Variants in SRCIN1 observed in about 807,000 individuals in gnomAD.
The protein encoded by SRCIN1 is SRC kinase signaling inhibitor 1.
SRCIN1 carries 50 observed loss-of-function variants against 116.2 expected under a neutral mutation model. The ratio of observed to expected loss-of-function variants is 0.43; its 90% confidence interval spans 0.34 to 0.54. The LOEUF is 0.54. SRCIN1 is among the 20% of genes least tolerant of loss of function. The pLI is 0.02. For missense variants in SRCIN1, 1,446 were observed against 1,672.0 expected, an observed-to-expected ratio of 0.86 and a Z score of 2.36; for synonymous variants, 736 against 750.0, an observed-to-expected ratio of 0.98 and a Z score of 0.30.
At position 38,563,235 on chromosome 17, in the gene SRCIN1, G is replaced by A. The variant is rs1906405622; in HGVS notation, c.740+88C>T. 6.2e-6 allele frequency: 9 copies of A among 1,455,906 alleles called. No homozygotes were observed. The Admixed American group carries it at 6.3e-5, about 10-fold the overall frequency. 90.2% of individuals were successfully genotyped at this position (1,455,906 alleles called of 1,614,324 possible). A position where few individuals can be genotyped will look rare whatever the true frequency, so the allele number is the denominator to read the frequency against. On this transcript the variant is annotated intron_variant, in intron 5 of 18. Coordinates refer to ENST00000617146, the MANE Select transcript of SRCIN1 (RefSeq NM_025248.3). The surrounding 1 kb of genome is among the most constrained non-coding windows in gnomAD (Gnocchi z 5.8). ...GGAAAGGCTGAGGTCGGGTCAGGAA[G>A]GAGCTGGGGAAGGGCCGGCGGGGTC...
intron 7 of SRCIN1, 103 bp from the exon 8 acceptor site, chr17:38,560,528 T>C (rs1436649232): frequency 2.0e-6 from 2 of 982,074 alleles, no homozygotes; most frequent in Non-Finnish European, 3.1e-6. Flanking sequence ...CACCGTCCCA[T>C]CCCTGGCTGC....
Position 38,562,029 on chromosome 17 carries a change from C to G in SRCIN1, c.1134G>C (p.Glu378Asp). 3 of 1,491,960 alleles carry G rather than the reference C, an allele frequency of 2.0e-6. No individual in the cohort carries two copies. The highest frequency in any genetic ancestry group is 2.7e-6 in the Non-Finnish European group (3 of 1,128,910). The allele number at this position is 1,491,960 out of a possible 1,614,324, so 92.4% of individuals were successfully genotyped here. A position where few individuals can be genotyped will look rare whatever the true frequency, so the allele number is the denominator to read the frequency against. Residue 378 changes from glutamate to aspartate, a missense_variant, in exon 7 of 19, where the codon GAG becomes GAC. Around this residue, in one of 5 missense-constraint regions of SRCIN1, gnomAD observed 239 missense variants for 317.7 expected, o/e 0.75. Transcript: ENST00000617146. The surrounding 1 kb of genome is among the most constrained non-coding windows in gnomAD (Gnocchi z 4.2). The stretch of plus-strand genomic sequence containing the variant: ...TGCCGCCCGCCTTGCTCGCCAGGTC[C>G]TCGTCCGGCTTCACGTCGCGCCGCT... ...ILERRDVKPD[E>D]DLASKAGGMV...
intron 1 of SRCIN1, among the ~76,000 whole-genome samples, chr17:38,601,351 G>T (rs191093539): frequency 2.0e-5 from 3 of 152,316 alleles, no homozygotes; most frequent in African/African-American, 7.2e-5. Context: ...CAGAGACATG[G>T]GTGGGAGATG....
At chr17:38,586,732 G>GTGA (rs1908136596) in intron 1 of SRCIN1, among the ~76,000 whole-genome samples, 2 of 152,250 alleles carry the variant, frequency 1.3e-5, no homozygotes, top group African/African-American at 4.8e-5. Flanking sequence ...GCTAGGGAGG[G>GTGA]TGCAGGGCAC....
Position 38,563,644 on chromosome 17 carries a change from G to A in SRCIN1, c.542-123C>T. Reference sequence around the variant, plus strand: ...GCGGCAGGGTCTGAGGCTAGACGCCGCCCCCGAGTGCAGATGCACCCAGGC... The same window carrying A: ...GCGGCAGGGTCTGAGGCTAGACGCCACCCCCGAGTGCAGATGCACCCAGGC... On this transcript the variant is annotated intron_variant, in intron 4 of 18. Transcript: ENST00000617146. This position sits in a 1 kb window ranked among gnomAD's most constrained non-coding sequence, Gnocchi z 5.8. 2 of 1,324,712 alleles carry A rather than the reference G, an allele frequency of 1.5e-6. No individual in the cohort carries two copies. Among genetic ancestry groups the A allele is most frequent in the African/African-American group, 1.4e-5 (1 of 69,078 alleles). 82.1% of individuals were successfully genotyped at this position (1,324,712 alleles called of 1,614,324 possible).
In SRCIN1 at chr17:38,564,301, G is replaced by T; in HGVS notation, c.358C>A (p.Arg120Ser). The T allele has an allele frequency of 6.4e-7, 1 of 1,559,534 alleles. No individual in the cohort carries two copies. The highest frequency in any genetic ancestry group is 8.6e-7 in the Non-Finnish European group (1 of 1,156,858). Reference sequence around the variant, plus strand: ...CCGGGCTGGGCTCCCTGAGTGTGGCGTGAGCTGCGGGTCTGCAGGGGCCGG... The same window carrying T: ...CCGGGCTGGGCTCCCTGAGTGTGGCTTGAGCTGCGGGTCTGCAGGGGCCGG... ...NYWSFKTRSS[R>S]HTQGAQPGLA... Residue 120 changes from arginine (R) to serine (S), a missense_variant, in exon 4 of 19, where the codon CGC becomes AGC. By Grantham distance (110) the Arg-to-Ser change is moderately radical (BLOSUM62 -1). Around this residue, in one of 5 missense-constraint regions of SRCIN1, gnomAD observed 246 missense variants for 265.1 expected, o/e 0.93. Transcript: ENST00000617146.
intron 18 of SRCIN1, among the ~76,000 whole-genome samples, chr17:38,535,646 C>T (rs1187590858): frequency 6.6e-6 from 1 of 152,166 alleles, no homozygotes; most frequent in Admixed American, 6.6e-5. Flanking sequence ...CTCTCTGTGC[C>T]CCCAGTACCT....
intron 2 of SRCIN1, 25 bp downstream of exon 2, chr17:38,578,465 C>G (rs1373661801): frequency 2.2e-5 from 32 of 1,457,556 alleles, no homozygotes; most frequent in Admixed American, 4.1e-5. Flanking sequence ...GCCGCAGCCG[C>G]AGCCGCAGCC....
At chr17:38,595,293 C>T (rs1382730852) in intron 1 of SRCIN1, among the ~76,000 whole-genome samples, 1 of 152,104 alleles carries the variant, frequency 6.6e-6, no homozygotes, top group Non-Finnish European at 1.5e-5. Context: ...TCTCGGCTCA[C>T]TGCAACCTCT....
At chr17:38,566,378 T>C (rs1906683131) in intron 3 of SRCIN1, among the ~76,000 whole-genome samples, 1 of 152,170 alleles carries the variant, frequency 6.6e-6, no homozygotes, top group Admixed American at 6.5e-5. Context: ...AGGGAAAACC[T>C]GCTGGCACTT....
At chr17:38,597,493 G>A (rs1209309348) in intron 1 of SRCIN1, among the ~76,000 whole-genome samples, 1 of 152,252 alleles carries the variant, frequency 6.6e-6, no homozygotes, top group Non-Finnish European at 1.5e-5. Context: ...TGTCTACTAT[G>A]TGCCAGGAAC....
At chr17:38,605,599 C>A in intron 1 of SRCIN1, 85 bp downstream of exon 1, 1 of 1,163,630 alleles carries the variant, frequency 8.6e-7, no homozygotes, top group Non-Finnish European at 1.1e-6. Flanking sequence ...CGCCCCCGGC[C>A]GAGGGGGAAA....
rs552920296 is a variant in SRCIN1 at position 38,585,256 on chromosome 17, G to A, written c.23-6465C>T. On this transcript the variant is annotated intron_variant, in intron 1 of 18. Transcript: ENST00000617146. The surrounding 1 kb of genome is among the most constrained non-coding windows in gnomAD (Gnocchi z 4.2). ...AGGGTGGAGGACCTGCCTGCCTTAG[G>A]CCACACCCACACACACACACAAACA... 1.3e-5 allele frequency among the ~76,000 whole-genome samples: 2 copies of A among 152,236 alleles called. No individual in the cohort carries two copies. Among genetic ancestry groups the A allele is most frequent in the East Asian group, 3.9e-4 (2 of 5,180 alleles).
intron 11 of SRCIN1, among the ~76,000 whole-genome samples, chr17:38,557,687 C>T (rs969932014): frequency 9.9e-5 from 15 of 152,242 alleles, no homozygotes; most frequent in African/African-American, 1.7e-4. Context: ...GTTCGCGATT[C>T]CTCCTTCCTT....
At chr17:38,543,494 T>A (rs1237516897) in intron 18 of SRCIN1, among the ~76,000 whole-genome samples, 1 of 152,200 alleles carries the variant, frequency 6.6e-6, no homozygotes, top group Non-Finnish European at 1.5e-5. Flanking sequence ...TTGGGGCTGC[T>A]GGAGTCACAA....
chr17:38,552,564 C>T lies in SRCIN1; in HGVS notation c.2363G>A (p.Arg788Gln), dbSNP rs1009954948. ...AHFPGLQSKMRVVLRVEVEAV... is the reference protein window; with the variant it reads ...AHFPGLQSKMQVVLRVEVEAV... Reference sequence around the variant, plus strand: ...CTCCACCTCCACGCGCAGCACCACCCGCATCTTGCTCTGCAGGCCCGGGAA... The same window carrying T: ...CTCCACCTCCACGCGCAGCACCACCTGCATCTTGCTCTGCAGGCCCGGGAA... Residue 788 changes from arginine to glutamine, a missense_variant, in exon 13 of 19, where the codon CGG becomes CAG. Around this residue, in one of 5 missense-constraint regions of SRCIN1, gnomAD observed 531 missense variants for 633.9 expected, o/e 0.84. Coordinates refer to ENST00000617146, the MANE Select transcript of SRCIN1 (RefSeq NM_025248.3). This position sits in a 1 kb window ranked among gnomAD's most constrained non-coding sequence, Gnocchi z 5.3. 1.9e-6 allele frequency: 3 copies of T among 1,610,606 alleles called. No homozygotes were observed. The highest frequency in any genetic ancestry group is 2.5e-6 in the Non-Finnish European group (3 of 1,178,648).
chr17:38,583,548 GTTTTTTTTTT>G (rs10691272), intron 1 of SRCIN1, among the ~76,000 whole-genome samples: 1 of 104,294 alleles, frequency 9.6e-6, no homozygotes, highest in Non-Finnish European at 2.0e-5. Flanking sequence ...TTCATTTTCT[GTTTTTTTTTT>G]TTTTTTTTTT....
intron 18 of SRCIN1, among the ~76,000 whole-genome samples, chr17:38,534,224 G>A (rs934386744): frequency 1.3e-5 from 2 of 152,204 alleles, no homozygotes; most frequent in African/African-American, 4.8e-5. Flanking sequence ...CTCTGCAGCT[G>A]CGGTCTCCAA....
chr17:38,576,570 G>A (rs934488345), intron 2 of SRCIN1, among the ~76,000 whole-genome samples: 25 of 152,174 alleles, frequency 1.6e-4, no homozygotes, highest in Admixed American at 3.9e-4. Context: ...CTCTTCTCCT[G>A]AAGCTGCAGC....
Sources: gnomAD v4.1 joint callset for allele counts (sites outside exome capture counted in the v4.1 genomes callset) on GRCh38, gnomAD v4.1.1 for gene constraint, gnomAD v4.1.1 regional missense constraint, Gnocchi (gnomAD v3.1) non-coding constraint, MANE v1.5 for transcripts, NCBI Gene and HGNC (gene_info 2026-07-23, HGNC 2026-07-21) for gene names.